MGAM: variants seen among roughly 807,000 people sequenced by gnomAD.
MGAM encodes the protein alpha-1,4-glucosidase.
In MGAM, 253 loss-of-function variants were observed where a neutral mutation model predicts 358.8. That is an observed-to-expected ratio of 0.71 (90% CI 0.64 to 0.78). MGAM has a LOEUF of 0.78. Among genes scored for constraint, MGAM ranks in the 30% least tolerant of loss-of-function variants. The pLI, the probability that MGAM is intolerant of heterozygous loss-of-function variation, is 0.00. For synonymous variants in MGAM, 1,105 were observed against 1,227.1 expected (o/e 0.90, Z 2.08); for missense variants, 3,080 against 3,432.6 (o/e 0.90, Z 2.57).
chr7:142,030,549 C>A (rs546376615), intron 11 of MGAM, 56 bp downstream of exon 11: 3 of 1,609,212 alleles, frequency 1.9e-6, no homozygotes, highest in Non-Finnish European at 2.6e-6. Flanking sequence ...TATCATACAC[C>A]CATCTCTCCT....
intron 37 of MGAM, 89 bp from the exon 38 acceptor site, chr7:142,065,246 A>C: frequency 1.3e-6 from 2 of 1,527,380 alleles, no homozygotes; most frequent in Non-Finnish European, 1.8e-6. Context: ...GCAAACATTG[A>C]CTAGGCTCAA....
In MGAM at chr7:142,067,345, GT is replaced by G. The variant is rs760788457; in HGVS notation, c.4925del (p.Val1642GlyfsTer5). On this transcript the variant is annotated frameshift_variant, in exon 42 of 71. Transcript: ENST00000475668. LOFTEE classifies it high-confidence loss of function. Reference protein sequence around the residue: ...TVVRPLLHEFVSDQVTWDIDS... With the variant: ...TVVRPLLHEFXSDQVTWDIDS... ...CACCTTCATTTCCCTTTCCAGGTTT[GT>G]GTCAGACCAGGTGACATGGGACATA... 15 of 1,529,018 alleles carry G rather than the reference GT, an allele frequency of 9.8e-6. 1 individual carries two copies. In the South Asian group the frequency reaches 1.7e-4, roughly 17 times the overall value. 94.7% of individuals were successfully genotyped at this position (1,529,018 alleles called of 1,614,324 possible). A position where few individuals can be genotyped will look rare whatever the true frequency, so the allele number is the denominator to read the frequency against.
chr7:142,016,790 A>G (rs1299869833), intron 3 of MGAM, among the ~76,000 whole-genome samples: 2 of 152,152 alleles, frequency 1.3e-5, no homozygotes, highest in Non-Finnish European at 2.9e-5. Flanking sequence ...ACGGGGTTTC[A>G]CCATGTTGGC....
chr7:142,030,743 C>G lies in MGAM; in HGVS notation c.1456C>G (p.Pro486Ala), dbSNP rs1807408650. 6.2e-7 allele frequency: 1 copy of G among 1,606,048 alleles called. No individual in the cohort carries two copies. Among genetic ancestry groups the G allele is most frequent in the Non-Finnish European group, 8.5e-7 (1 of 1,173,006 alleles). The stretch of plus-strand genomic sequence containing the variant: ...GGTGAATAGTTCAGATGGAGTGACT[C>G]CACTCATTGGGGAGGTAACTTAATG... ...IWVNSSDGVT[P>A]LIGEVWPGQT... is the part of the protein sequence containing the mutation. Residue 486 changes from proline (P) to alanine (A), a missense_variant, in exon 12 of 71, where the codon CCA (proline) becomes GCA (alanine). Around this residue, in one of 5 missense-constraint regions of MGAM, gnomAD observed 1,816 missense variants for 1,840.5 expected, o/e 0.99. Transcript: ENST00000475668.
intron 22 of MGAM, among the ~76,000 whole-genome samples, chr7:142,049,771 A>G (rs1279530302): frequency 6.6e-6 from 1 of 152,210 alleles, no homozygotes; most frequent in Non-Finnish European, 1.5e-5. Context: ...ACCTGTTAGC[A>G]TGGAAATAAT....
chr7:141,995,411 TAAA>T (rs1226597796), upstream of MGAM, among the ~76,000 whole-genome samples: 11 of 152,166 alleles, frequency 7.2e-5, no homozygotes, highest in Admixed American at 4.6e-4. Flanking sequence ...AAGGACACCT[TAAA>T]GAAGAAAGAA....
In MGAM at chr7:142,078,359, A is replaced by G. The variant is rs775116561; in HGVS notation, c.5535A>G (p.Ala1845=). Residue 1845 remains alanine (A), a synonymous_variant, in exon 48 of 71, where the codon GCA becomes GCG. Coordinates refer to ENST00000475668, the MANE Select transcript of MGAM (RefSeq NM_001365693.1). The stretch of plus-strand genomic sequence containing the variant: ...ACATCAATCTTTTCCTGGGAGAAGC[A>G]TACACAGTGGAGTGGAGCATAAAGA... ...ITDINLFLGE[A]YTVEWSIKIR... 1 of 1,510,198 alleles carries G rather than the reference A, an allele frequency of 6.6e-7. No individual in the cohort carries two copies. Among genetic ancestry groups the G allele is most frequent in the Non-Finnish European group, 9.0e-7 (1 of 1,107,490 alleles). 93.5% of individuals were successfully genotyped at this position (1,510,198 alleles called of 1,614,324 possible).
In MGAM at chr7:142,067,084, A is replaced by G. The variant is rs1343370188; in HGVS notation, c.4920-257A>G. ...GACGAGGGCCATCCTCACATTTAAA[A>G]TGTGCCATGGTTAAGAAATGAGGTA... On this transcript the variant is annotated intron_variant, in intron 41 of 70. Transcript: ENST00000475668. Among the ~76,000 whole-genome samples, 5 of 146,092 alleles carry G rather than the reference A, an allele frequency of 3.4e-5. 1 individual carries two copies. The highest frequency in any genetic ancestry group is 1.2e-4 in the African/African-American group (5 of 41,088).
intron 57 of MGAM, among the ~76,000 whole-genome samples, chr7:142,091,111 G>C (rs1374727799): frequency 4.8e-5 from 7 of 144,788 alleles, no homozygotes; most frequent in East Asian, 2.0e-4. Context: ...GCCAGGTGTA[G>C]TGGTGTGTGC....
At chr7:142,067,990 T>TATAGA in intron 42 of MGAM, among the ~76,000 whole-genome samples, 1 of 13,082 alleles carries the variant, frequency 7.6e-5, no homozygotes, top group African/African-American at 1.1e-4. Context: ...ATATATATTT[T>TATAGA]TTTTTTTTTT....
At chr7:142,064,918 C>T (rs1229542062) in intron 37 of MGAM, among the ~76,000 whole-genome samples, 2 of 152,022 alleles carry the variant, frequency 1.3e-5, no homozygotes, top group South Asian at 4.2e-4. Flanking sequence ...GTATTTTTGG[C>T]CATTCTTGGT....
At chr7:142,031,887 G>A in intron 13 of MGAM, 94 bp downstream of exon 13, 1 of 810,022 alleles carries the variant, frequency 1.2e-6, no homozygotes, top group Non-Finnish European at 2.0e-6. Flanking sequence ...AGGGAGAGGA[G>A]GAGGAGAAGA....
chr7:142,066,521 T>C, intron 40 of MGAM, 52 bp from the exon 41 acceptor site: 1 of 1,533,192 alleles, frequency 6.5e-7, no homozygotes, highest in East Asian at 2.3e-5. Flanking sequence ...CCTTCTTAAA[T>C]CCCCTAGAAA....
rs771380682 is a variant in MGAM at position 142,047,813 on chromosome 7, G to A, written c.2527G>A (p.Ala843Thr). 12 of 1,612,572 alleles carry A rather than the reference G, an allele frequency of 7.4e-6. No individual in the cohort carries two copies. Among genetic ancestry groups the A allele is most frequent in the Middle Eastern group, 1.7e-4 (1 of 6,058 alleles). The change falls in exon 22 of 71, where the codon GCC becomes ACC. Residue 843 changes from alanine (A) to threonine (T), a missense_variant. This residue lies in a region of MGAM where 1,816 missense variants were observed against 1,840.5 expected (regional missense o/e 0.99). Transcript: ENST00000475668. ...SRKNPLGLII[A>T]LDENKEAKGE... ...AAAGAACCCTCTTGGTCTTATCATTGCCCTAGATGAGAACAAAGAAGCAAA... is the reference window on the plus strand; with the variant it reads ...AAAGAACCCTCTTGGTCTTATCATTACCCTAGATGAGAACAAAGAAGCAAA...
rs782770683 is a variant in MGAM, at chr7:142,022,439, A to G, written c.882A>G (p.Gly294=). Residue 294 remains glycine, a splice_region_variant and synonymous_variant, in exon 7 of 71, where the codon GGA becomes GGG. Coordinates refer to ENST00000475668, the MANE Select transcript of MGAM (RefSeq NM_001365693.1). ...PIFNRDTTPN[G]NGTNLYGAQT... is the part of the protein sequence containing the mutation. ...TTAACAGAGACACAACTCCCAATGG[A>G]GTAAGCTTTCAAATGGGCCCCTTTC... 5.1e-5 allele frequency: 82 copies of G among 1,612,096 alleles called. No individual in the cohort carries two copies. Among genetic ancestry groups the G allele is most frequent in the Non-Finnish European group, 6.4e-5 (76 of 1,178,922 alleles).
chr7:142,050,907 A>G (rs778536422), intron 24 of MGAM, 43 bp downstream of exon 24: 1 of 1,612,358 alleles, frequency 6.2e-7, no homozygotes, highest in East Asian at 2.2e-5. Context: ...AGAATTCTCC[A>G]TAGCATCGTG....
intron 70 of MGAM, among the ~76,000 whole-genome samples, chr7:142,105,532 C>A (rs907352296): frequency 1.3e-5 from 2 of 152,216 alleles, no homozygotes; most frequent in African/African-American, 4.8e-5. Context: ...AAATGATCCA[C>A]CCACCTGGGC....
In MGAM at chr7:141,998,521, C is replaced by T. The variant is rs558553121; in HGVS notation, c.-3+2591C>T. On this transcript the variant is annotated intron_variant, in intron 1 of 70. Coordinates refer to ENST00000475668, the MANE Select transcript of MGAM (RefSeq NM_001365693.1). ...AACATGTAGTGTTTGGTTTTCTGTT[C>T]CTGTGTTAGTTTGCTGAGAATGATG... 3.0e-4 allele frequency among the ~76,000 whole-genome samples: 46 copies of T among 152,226 alleles called. No homozygotes were observed. In the South Asian group the frequency reaches 9.1e-3, roughly 30 times the overall value.
chr7:142,000,624 T>C (rs1433079627), intron 1 of MGAM, among the ~76,000 whole-genome samples: 5 of 152,214 alleles, frequency 3.3e-5, no homozygotes, highest in Non-Finnish European at 7.3e-5. Context: ...TAACATTGAA[T>C]TATATTTTAC....
Sources: gnomAD v4.1 joint callset for allele counts (sites outside exome capture counted in the v4.1 genomes callset) on GRCh38, gnomAD v4.1.1 for gene constraint, gnomAD v4.1.1 regional missense constraint, MANE v1.5 for transcripts, NCBI Gene and HGNC (gene_info 2026-07-23, HGNC 2026-07-21) for gene names.